The following PIK3C3 variants were observed in gnomAD, a reference collection of about 807,000 sequenced individuals.
The protein encoded by PIK3C3 is PI3-kinase type 3.
In PIK3C3, 95 loss-of-function variants were observed where a neutral mutation model predicts 126.1. The ratio of observed to expected loss-of-function variants is 0.75; its 90% CI spans 0.64 to 0.89. The LOEUF is 0.89. Ranked by LOEUF, PIK3C3 falls within the 40% of genes least tolerant of loss-of-function variation. The pLI is 0.00. For missense variants in PIK3C3, 829 were observed against 1,063.2 expected, an observed-to-expected ratio of 0.78 and a Z score of 3.06; for synonymous variants, 374 against 360.0, an observed-to-expected ratio of 1.04 and a Z score of -0.44.
chr18:42,080,657 C>G (rs1447107399), intron 24 of PIK3C3, among the ~76,000 whole-genome samples: 3 of 152,182 alleles, frequency 2.0e-5, no homozygotes, highest in Non-Finnish European at 2.9e-5. Context: ...CTAGGCCTCT[C>G]GACTTCTTCC....
chr18:42,002,118 G>A (rs1315953340), intron 9 of PIK3C3, among the ~76,000 whole-genome samples: 2 of 152,128 alleles, frequency 1.3e-5, no homozygotes, highest in East Asian at 3.9e-4. Context: ...TAGTAAAATT[G>A]AGCCAGCTTC....
At chr18:41,979,197 C>T (rs766445315) in intron 4 of PIK3C3, among the ~76,000 whole-genome samples, 2 of 151,624 alleles carry the variant, frequency 1.3e-5, no homozygotes, top group Non-Finnish European at 2.9e-5. Context: ...CTAACTGATA[C>T]AGATGTTTCA....
intron 21 of PIK3C3, among the ~76,000 whole-genome samples, chr18:42,055,000 T>G (rs1171392290): frequency 6.6e-6 from 1 of 152,136 alleles, no homozygotes. Flanking sequence ...AGTTAATATA[T>G]TTCAAAAATT....
intron 6 of PIK3C3, among the ~76,000 whole-genome samples, chr18:41,991,514 A>T (rs1042520063): frequency 6.6e-6 from 1 of 152,200 alleles, no homozygotes; most frequent in Non-Finnish European, 1.5e-5. Flanking sequence ...CTTCTAGCAT[A>T]TGACCAAGCT....
At chr18:42,078,239 C>T (rs912080321) in intron 24 of PIK3C3, among the ~76,000 whole-genome samples, 2 of 150,926 alleles carry the variant, frequency 1.3e-5, no homozygotes, top group Non-Finnish European at 3.0e-5. Flanking sequence ...TAGCCGGGTG[C>T]GGTGGCGGGC....
At chr18:41,974,243 C>T (rs954772060) in intron 4 of PIK3C3, among the ~76,000 whole-genome samples, 1 of 152,156 alleles carries the variant, frequency 6.6e-6, no homozygotes, top group African/African-American at 2.4e-5. Flanking sequence ...ACTTAACCCT[C>T]TTCTGATTTA....
At chr18:41,981,814 A>C (rs951278352) in intron 4 of PIK3C3, among the ~76,000 whole-genome samples, 2 of 151,284 alleles carry the variant, frequency 1.3e-5, no homozygotes, top group African/African-American at 4.9e-5. Context: ...ACAAAAAAAA[A>C]AAAAAGAAAA....
intron 22 of PIK3C3, chr18:42,059,711 T>C (rs1431967967): frequency 6.6e-6 from 1 of 152,140 alleles, no homozygotes; most frequent in Non-Finnish European, 1.5e-5. Context: ...ATGAAAACTG[T>C]TTAACTTTTA....
intron 24 of PIK3C3, among the ~76,000 whole-genome samples, chr18:42,068,853 G>A (rs759435531): frequency 1.4e-4 from 22 of 151,906 alleles, no homozygotes; most frequent in Middle Eastern, 3.4e-3. Context: ...AGGAGGCTGA[G>A]GCAGGAGAAT....
chr18:42,087,172 ATAGG>A lies in PIK3C3; in HGVS notation c.*6039_*6042del, dbSNP rs1214243305. 4 of 152,306 alleles carry A rather than the reference ATAGG, an allele frequency of 2.6e-5. No homozygotes were observed. The highest frequency in any genetic ancestry group is 9.6e-5 in the African/African-American group (4 of 41,456). The allele number at this position is 152,306 out of a possible 1,614,324, so 9.4% of individuals were successfully genotyped here. ...CGAGGAGTTTAGGAGCAGAGGTTTA[ATAGG>A]TAGAAGAGAAGGGAAAGAGAAACAG... On this transcript the variant is annotated 3_prime_UTR_variant, in exon 25 of 25. Coordinates refer to ENST00000262039, the MANE Select transcript of PIK3C3 (RefSeq NM_002647.4).
At chr18:41,960,775 G>A (rs530929230) in intron 2 of PIK3C3, among the ~76,000 whole-genome samples, 7 of 150,158 alleles carry the variant, frequency 4.7e-5, no homozygotes, top group African/African-American at 1.5e-4. Context: ...ATGGCGTCTC[G>A]CTCTGTCGCC....
chr18:41,967,311 C>T (rs9958428), intron 3 of PIK3C3, among the ~76,000 whole-genome samples: 532 of 152,208 alleles, frequency 3.5e-3, no homozygotes, highest in African/African-American at 0.012. Context: ...GCAAGAAGCG[C>T]GTGCAGATTT....
chr18:42,076,195 C>CAG (rs201249454), intron 24 of PIK3C3, among the ~76,000 whole-genome samples: 3 of 111,894 alleles, frequency 2.7e-5, no homozygotes, highest in South Asian at 2.6e-4. Flanking sequence ...TATATATGCA[C>CAG]ACATATATAT....
intron 3 of PIK3C3, among the ~76,000 whole-genome samples, chr18:41,965,654 C>T (rs2144301607): frequency 6.6e-6 from 1 of 152,268 alleles, no homozygotes; most frequent in Admixed American, 6.5e-5. Context: ...TTGAGAAGCA[C>T]TGAACTGACC....
In PIK3C3 at chr18:42,040,769, T is replaced by C. The variant is rs181329197; in HGVS notation, c.2103+28T>C. On this transcript the variant is annotated intron_variant, in intron 19 of 24. Transcript: ENST00000262039. Reference sequence around the variant, plus strand: ...ATGGTATCAATAAAGATTATGCAATTCATGAATATATTCTTGTCATAAAAA... The same window carrying C: ...ATGGTATCAATAAAGATTATGCAATCCATGAATATATTCTTGTCATAAAAA... 3.8e-5 allele frequency: 53 copies of C among 1,388,240 alleles called. No homozygotes were observed. In the African/African-American group the frequency reaches 5.6e-4, roughly 15 times the overall value. The allele number at this position is 1,388,240 out of a possible 1,614,324, so 86.0% of individuals were successfully genotyped here. A position where few individuals can be genotyped will look rare whatever the true frequency, so the allele number is the denominator to read the frequency against.
rs542637528 is a variant in PIK3C3 at position 42,023,326 on chromosome 18, C to G, written c.1484+2621C>G. Among the ~76,000 whole-genome samples the G allele has an allele frequency of 2.5e-3, 380 of 152,288 alleles. 2 individuals carry two copies. The highest frequency in any genetic ancestry group is 8.9e-3 in the African/African-American group (368 of 41,568). ...TCTTTGATCTCTTATTTCAAGTAGGCAGAATTTTCTGAAAGCAGCCAAACA... is the reference window on the plus strand; with the variant it reads ...TCTTTGATCTCTTATTTCAAGTAGGGAGAATTTTCTGAAAGCAGCCAAACA... On this transcript the variant is annotated intron_variant, in intron 13 of 24. Coordinates refer to ENST00000262039, the MANE Select transcript of PIK3C3 (RefSeq NM_002647.4).
chr18:41,957,780 G>A (rs767626472), intron 2 of PIK3C3, 22 bp downstream of exon 2: 51 of 1,580,970 alleles, frequency 3.2e-5, no homozygotes, highest in Middle Eastern at 1.7e-4. Flanking sequence ...TGTGGCATAT[G>A]GTATGTTACA....
At chr18:41,996,100 C>A in intron 8 of PIK3C3, 106 bp downstream of exon 8, 1 of 725,678 alleles carries the variant, frequency 1.4e-6, no homozygotes. Flanking sequence ...ACATTTTCTC[C>A]AGGTTGATGA....
chr18:42,069,523 G>C (rs945717617), intron 24 of PIK3C3, among the ~76,000 whole-genome samples: 24 of 152,146 alleles, frequency 1.6e-4, no homozygotes, highest in African/African-American at 5.8e-4. Context: ...AACTTTTCCT[G>C]GCCACGGCCC....
Sources: gnomAD v4.1 joint callset for allele counts (sites outside exome capture counted in the v4.1 genomes callset) on GRCh38, gnomAD v4.1.1 for gene constraint, MANE v1.5 for transcripts, NCBI Gene and HGNC (gene_info 2026-07-23, HGNC 2026-07-21) for gene names.